CELA3A: variants seen among roughly 807,000 people sequenced by gnomAD.
CELA3A encodes the protein chymotrypsin like elastase 3A.
In CELA3A, 35 loss-of-function variants were observed where a neutral mutation model predicts 38.6. The observed-to-expected ratio is 0.91, with a 90% CI of 0.69 to 1.20. The LOEUF (loss-of-function observed/expected upper bound fraction) is 1.20, where lower values mean the gene tolerates loss of function less well. Among genes scored for constraint, CELA3A ranks in the 50% most tolerant of loss-of-function variants. The pLI is 0.00. For synonymous variants in CELA3A, 143 were observed against 136.7 expected, an observed-to-expected ratio of 1.05 and a Z score of -0.32; for missense variants, 343 against 354.2, an observed-to-expected ratio of 0.97 and a Z score of 0.25.
At chr1:22,008,486 G>A (rs1262369527) in intron 6 of CELA3A, among the ~76,000 whole-genome samples, 2 of 150,898 alleles carry the variant, frequency 1.3e-5, no homozygotes, top group Non-Finnish European at 2.9e-5. Flanking sequence ...AAGGCTGGGC[G>A]CGGTGGCTCA....
rs1306405674 is a variant in CELA3A, at chr1:22,001,667, C to T, written c.-8C>T. The T allele has an allele frequency of 1.6e-5, 26 of 1,612,020 alleles. 2 individuals carry two copies. The highest frequency in any genetic ancestry group is 2.1e-5 in the Non-Finnish European group (25 of 1,179,352). ...GCTCTGTGCCCTTTTCCTATCATCA[C>T]AAAACTCATGATGCTCCGGCTGCTC... is the stretch of plus-strand genomic sequence containing the variant. On this transcript the variant is annotated 5_prime_UTR_variant, in exon 1 of 8. Coordinates refer to ENST00000290122, the MANE Select transcript of CELA3A (RefSeq NM_005747.5).
At position 22,003,009 on chromosome 1, in the gene CELA3A, G is replaced by A; in HGVS notation, c.50G>A (p.Gly17Asp). ...GCTCTCCTCTCCCCTCTAGCCTCAG[G>A]CTATGGCCCACCTTCCTCTCACTCT... ...SSLLLVAVAS[G>D]YGPPSSHSSS... The change falls in exon 2 of 8, where the codon GGC becomes GAC. Residue 17 changes from glycine (G) to aspartate (D), a missense_variant. Transcript: ENST00000290122. The A allele has an allele frequency of 6.3e-7, 1 of 1,577,074 alleles. No homozygotes were observed. The highest frequency in any genetic ancestry group is 8.6e-7 in the Non-Finnish European group (1 of 1,167,196).
chr1:22,005,356 G>C (rs1569867763), intron 2 of CELA3A, 91 bp from the exon 3 acceptor site: 7 of 1,481,112 alleles, frequency 4.7e-6, no homozygotes, highest in Non-Finnish European at 6.6e-6. Flanking sequence ...GCGCCCTCTA[G>C]AGTTGCACAG....
chr1:22,004,274 T>A (rs1644935855), intron 2 of CELA3A, among the ~76,000 whole-genome samples: 1 of 150,792 alleles, frequency 6.6e-6, no homozygotes, highest in Admixed American at 6.6e-5. Context: ...GGTCTCACTA[T>A]GTTGCCCAGG....
At chr1:22,001,783 A>G in intron 1 of CELA3A, 66 bp downstream of exon 1, 1 of 1,590,918 alleles carries the variant, frequency 6.3e-7, no homozygotes, top group Non-Finnish European at 8.6e-7. Flanking sequence ...GAAATCTACC[A>G]CTCGCTCTGA....
intron 7 of CELA3A, chr1:22,010,325 AAG>A (rs1644976158): frequency 2.7e-6 from 1 of 368,438 alleles, no homozygotes; most frequent in African/African-American, 2.2e-5. Flanking sequence ...AACAAAAAAA[AAG>A]AGAGTAATAG....
chr1:22,009,670 T>C (rs1282354976), intron 6 of CELA3A, 35 bp from the exon 7 acceptor site: 1 of 1,601,392 alleles, frequency 6.2e-7, no homozygotes, highest in Non-Finnish European at 8.5e-7. Flanking sequence ...ACCTCAGACA[T>C]GGCTCAGCCA....
In CELA3A at chr1:22,010,073, C is replaced by G. The variant is rs969890414; in HGVS notation, c.795+216C>G. 37 of 638,770 alleles carry G rather than the reference C, an allele frequency of 5.8e-5. No homozygotes were observed. In the African/African-American group the frequency reaches 6.1e-4, roughly 10 times the overall value. 39.6% of individuals were successfully genotyped at this position (638,770 alleles called of 1,614,324 possible). On this transcript the variant is annotated intron_variant, in intron 7 of 7. Transcript: ENST00000290122. ...TTCTGGGTGGTGCTTGGAACTACAG[C>G]TGAACTTCCTTATTTCAACAAGTAT...
chr1:22,003,235 T>A, intron 2 of CELA3A, 147 bp downstream of exon 2: 2 of 879,096 alleles, frequency 2.3e-6, no homozygotes, highest in Non-Finnish European at 3.5e-6. Flanking sequence ...ACCATCTACT[T>A]CACGGGGAGG....
At chr1:22,005,877 C>T (rs1181204919) in intron 4 of CELA3A, 81 bp downstream of exon 4, 22 of 1,600,918 alleles carry the variant, frequency 1.4e-5, no homozygotes, top group East Asian at 4.5e-5. Flanking sequence ...GAGTAGGCTC[C>T]AACTCTGAGT....
chr1:22,009,102 A>C (rs1644968341), intron 6 of CELA3A, among the ~76,000 whole-genome samples: 1 of 146,832 alleles, frequency 6.8e-6, no homozygotes, highest in Non-Finnish European at 1.5e-5. Flanking sequence ...GCAGTGACTC[A>C]CGCCTGTAAT....
intron 1 of CELA3A, 127 bp downstream of exon 1, chr1:22,001,844 C>T: frequency 7.4e-7 from 1 of 1,348,588 alleles, no homozygotes. Flanking sequence ...TCAGCTTGTA[C>T]CCGGGGGCAT....
At chr1:22,006,585 A>G (rs12760192) in intron 4 of CELA3A, among the ~76,000 whole-genome samples, 30,374 of 150,208 alleles carry the variant, frequency 0.2, 4,393 homozygotes, top group East Asian at 0.39. Flanking sequence ...TGGGCCAGGT[A>G]TAGTGGCTCA....
chr1:22,003,011 T>C lies in CELA3A; in HGVS notation c.52T>C (p.Tyr18His). The C allele has an allele frequency of 2.5e-6, 4 of 1,576,906 alleles. No homozygotes were observed. Among genetic ancestry groups the C allele is most frequent in the Non-Finnish European group, 3.4e-6 (4 of 1,167,202 alleles). Residue 18 changes from tyrosine to histidine, a missense_variant, in exon 2 of 8, where the codon TAT (tyrosine) becomes CAT (histidine). Tyr to His is a moderately conservative substitution (Grantham distance 83). Transcript: ENST00000290122. ...SLLLVAVASG[Y>H]GPPSSHSSSR... ...TCTCCTCTCCCCTCTAGCCTCAGGC[T>C]ATGGCCCACCTTCCTCTCACTCTTC...
At chr1:22,009,150 G>T (rs1221219653) in intron 6 of CELA3A, among the ~76,000 whole-genome samples, 1 of 151,250 alleles carries the variant, frequency 6.6e-6, no homozygotes, top group African/African-American at 2.4e-5. Flanking sequence ...CGGATCACGT[G>T]GTCAGGAGAT....
chr1:22,007,352 C>G (rs752102673), intron 5 of CELA3A, 21 bp from the exon 6 acceptor site: 1 of 1,599,818 alleles, frequency 6.3e-7, no homozygotes, highest in Non-Finnish European at 8.5e-7. Context: ...ACCCCTGACT[C>G]GGTGCTTTTT....
chr1:22,008,454 C>A (rs544002041), intron 6 of CELA3A, among the ~76,000 whole-genome samples: 1 of 146,762 alleles, frequency 6.8e-6, no homozygotes, highest in Non-Finnish European at 1.5e-5. Context: ...CTGGCCAAGA[C>A]CTTGTCTAAG....
At chr1:22,008,401 T>C (rs1213205611) in intron 6 of CELA3A, among the ~76,000 whole-genome samples, 2 of 150,942 alleles carry the variant, frequency 1.3e-5, no homozygotes, top group East Asian at 3.9e-4. Flanking sequence ...TCCTCCTGCC[T>C]TGGCCTTCCA....
Position 22,007,628 on chromosome 1 carries a change from C to T in CELA3A, c.642+113C>T. 1.4e-6 allele frequency: 2 copies of T among 1,468,004 alleles called. 1 individual carries two copies. 90.9% of individuals were successfully genotyped at this position (1,468,004 alleles called of 1,614,324 possible). A position where few individuals can be genotyped will look rare whatever the true frequency, so the allele number is the denominator to read the frequency against. ...TTGCCTGCTTGCCCCATTCAGCCTC[C>T]AGGCCAGGCAGGACTTGGAGGAAAT... is the stretch of plus-strand genomic sequence containing the variant. On this transcript the variant is annotated intron_variant, in intron 6 of 7. Transcript: ENST00000290122.
Sources: allele counts gnomAD v4.1 joint callset (sites outside exome capture counted in the v4.1 genomes callset), GRCh38; gene constraint gnomAD v4.1.1; transcripts MANE v1.5; gene names NCBI Gene and HGNC (gene_info 2026-07-23, HGNC 2026-07-21).